The following PIP4K2A variants were observed in gnomAD, a reference collection of about 807,000 sequenced individuals.
PIP4K2A encodes phosphatidylinositol-5-phosphate 4-kinase type 2 alpha, also known as phosphatidylinositol 5-phosphate 4-kinase type-2 alpha.
Under a neutral mutation model 42.9 loss-of-function variants are expected in PIP4K2A, and 14 were observed. That is an observed-to-expected ratio of 0.33 (90% CI 0.22 to 0.51). The LOEUF is 0.51. Among genes scored for constraint, PIP4K2A ranks in the 20% least tolerant of loss-of-function variants. The probability of loss-of-function intolerance (pLI) is 0.97; values close to 1 mark genes in which losing one functional copy is unlikely to be tolerated. For synonymous variants in PIP4K2A, 192 were observed against 192.2 expected, an observed-to-expected ratio of 1.00 and a Z score of 0.01; for missense variants, 434 against 519.8, an observed-to-expected ratio of 0.83 and a Z score of 1.61.
chr10:22,553,314 C>G (rs966476461), intron 6 of PIP4K2A, among the ~76,000 whole-genome samples: 1 of 152,116 alleles, frequency 6.6e-6, no homozygotes, highest in Non-Finnish European at 1.5e-5. Context: ...CTCAGGGGCA[C>G]GAAGGTTTTG....
rs188386839 is a variant in PIP4K2A at position 22,638,850 on chromosome 10, C to T, written c.145-29133G>A. ...TCTGTAAGATTAAAAGTATTATGCC[C>T]GTGTAAGAATCTTAGTAGTGATTCT... On this transcript the variant is annotated intron_variant, in intron 1 of 9. Coordinates refer to ENST00000376573, the MANE Select transcript of PIP4K2A (RefSeq NM_005028.5). Among the ~76,000 whole-genome samples, 30 of 152,186 alleles carry T rather than the reference C, an allele frequency of 2.0e-4. No individual in the cohort carries two copies. The South Asian group carries it at 3.1e-3, about 16-fold the overall frequency.
In PIP4K2A at chr10:22,573,008, C is replaced by T. The variant is rs200936159; in HGVS notation, c.639+303G>A. On this transcript the variant is annotated intron_variant, in intron 5 of 9. Coordinates refer to ENST00000376573, the MANE Select transcript of PIP4K2A (RefSeq NM_005028.5). ...TTACTTACTGCCTGTCTTTACCCAC[C>T]AGAATGTCAGCTCCCCGAGTGCAGG... is the stretch of plus-strand genomic sequence containing the variant. Among the ~76,000 whole-genome samples, 20 of 152,314 alleles carry T rather than the reference C, an allele frequency of 1.3e-4. No individual in the cohort carries two copies. The East Asian group carries it at 3.9e-3, about 29-fold the overall frequency.
intron 4 of PIP4K2A, among the ~76,000 whole-genome samples, chr10:22,585,758 C>G (rs1169540997): frequency 6.6e-6 from 1 of 152,070 alleles, no homozygotes; most frequent in Non-Finnish European, 1.5e-5. Flanking sequence ...ACACCCCCAG[C>G]TAATTTTTTG....
intron 1 of PIP4K2A, among the ~76,000 whole-genome samples, chr10:22,631,474 C>T (rs185688497): frequency 6.6e-6 from 1 of 152,274 alleles, no homozygotes; most frequent in Non-Finnish European, 1.5e-5. Flanking sequence ...AGACCCCTCA[C>T]CAGAAACCGA....
chr10:22,646,630 CAGAG>C (rs1284395331), intron 1 of PIP4K2A, among the ~76,000 whole-genome samples: 8 of 152,156 alleles, frequency 5.3e-5, no homozygotes, highest in Admixed American at 5.2e-4. Context: ...ATTTGGTTAT[CAGAG>C]AGTAAAAGCC....
intron 1 of PIP4K2A, among the ~76,000 whole-genome samples, chr10:22,634,845 CT>C (rs1263192964): frequency 1.3e-5 from 2 of 152,176 alleles, no homozygotes; most frequent in African/African-American, 4.8e-5. Flanking sequence ...AATGTCTCCC[CT>C]GTCAAGTTTC....
chr10:22,647,276 C>T (rs1838903879), intron 1 of PIP4K2A, among the ~76,000 whole-genome samples: 1 of 152,092 alleles, frequency 6.6e-6, no homozygotes, highest in Non-Finnish European at 1.5e-5. Flanking sequence ...TTCTAAGTCT[C>T]ATCAGACAAT....
chr10:22,631,018 A>G (rs1588674640), intron 1 of PIP4K2A, among the ~76,000 whole-genome samples: 1 of 152,324 alleles, frequency 6.6e-6, no homozygotes, highest in South Asian at 2.1e-4. Flanking sequence ...TCTCGCGATC[A>G]GGAGCCAAGT....
chr10:22,558,914 A>G (rs1267710756), intron 6 of PIP4K2A, among the ~76,000 whole-genome samples: 1 of 152,206 alleles, frequency 6.6e-6, no homozygotes, highest in Non-Finnish European at 1.5e-5. Context: ...TAATACGTAA[A>G]AAGTAAAATT....
chr10:22,555,129 C>T (rs570385762), intron 6 of PIP4K2A, among the ~76,000 whole-genome samples: 15 of 152,340 alleles, frequency 9.8e-5, no homozygotes, highest in East Asian at 9.6e-4. Context: ...CACTGTCATA[C>T]GGAGTGATGC....
rs1255068537 is a variant in PIP4K2A at position 22,714,332 on chromosome 10, C to T, written c.-6G>A. The stretch of plus-strand genomic sequence containing the variant: ...AGGTTGCCGGGGGTCGCCATGGCCG[C>T]CTCCTATGTCCCCTCCACCGCCGTG... On this transcript the variant is annotated 5_prime_UTR_variant, in exon 1 of 10. Coordinates refer to ENST00000376573, the MANE Select transcript of PIP4K2A (RefSeq NM_005028.5). 5 of 1,592,888 alleles carry T rather than the reference C, an allele frequency of 3.1e-6. No individual in the cohort carries two copies. The highest frequency in any genetic ancestry group is 1.1e-5 in the South Asian group (1 of 89,834).
At chr10:22,637,160 T>C (rs1446851942) in intron 1 of PIP4K2A, among the ~76,000 whole-genome samples, 1 of 152,170 alleles carries the variant, frequency 6.6e-6, no homozygotes, top group Non-Finnish European at 1.5e-5. Flanking sequence ...GGAATGGAAG[T>C]GTATATTTTA....
At chr10:22,668,849 T>A (rs1839397937) in intron 1 of PIP4K2A, among the ~76,000 whole-genome samples, 1 of 152,218 alleles carries the variant, frequency 6.6e-6, no homozygotes, top group Non-Finnish European at 1.5e-5. Context: ...AAACATGGTT[T>A]GGGCTGTTTT....
At chr10:22,647,127 C>A (rs1778341) in intron 1 of PIP4K2A, among the ~76,000 whole-genome samples, 4,224 of 152,216 alleles carry the variant, frequency 0.028, 77 homozygotes, top group Non-Finnish European at 0.039. Flanking sequence ...CTGGCCAAAG[C>A]AGAATAGGAA....
chr10:22,689,784 G>A (rs990968532), intron 1 of PIP4K2A, among the ~76,000 whole-genome samples: 1 of 152,166 alleles, frequency 6.6e-6, no homozygotes, highest in Non-Finnish European at 1.5e-5. Flanking sequence ...AAACATATGA[G>A]AACAACCAAC....
At chr10:22,707,660 C>T (rs988419498) in intron 1 of PIP4K2A, among the ~76,000 whole-genome samples, 1 of 152,156 alleles carries the variant, frequency 6.6e-6, no homozygotes, top group African/African-American at 2.4e-5. Context: ...TTAACGGTAC[C>T]GTTGTGAATC....
At chr10:22,598,197 A>G (rs1837675403) in intron 3 of PIP4K2A, among the ~76,000 whole-genome samples, 1 of 152,156 alleles carries the variant, frequency 6.6e-6, no homozygotes, top group South Asian at 2.1e-4. Flanking sequence ...GTGTCTACAT[A>G]GCATTAAAAA....
At chr10:22,621,506 A>G (rs983368695) in intron 1 of PIP4K2A, among the ~76,000 whole-genome samples, 1 of 152,234 alleles carries the variant, frequency 6.6e-6, no homozygotes, top group African/African-American at 2.4e-5. Context: ...TCCCCAAGTA[A>G]GCTGTGAAGG....
chr10:22,705,930 T>C (rs968326556), intron 1 of PIP4K2A, among the ~76,000 whole-genome samples: 1 of 151,932 alleles, frequency 6.6e-6, no homozygotes, highest in Non-Finnish European at 1.5e-5. Flanking sequence ...TGGGGAGACC[T>C]CAAGAAACTT....
Sources: gnomAD v4.1 joint callset for allele counts (sites outside exome capture counted in the v4.1 genomes callset) on GRCh38, gnomAD v4.1.1 for gene constraint, MANE v1.5 for transcripts, NCBI Gene and HGNC (gene_info 2026-07-23, HGNC 2026-07-21) for gene names.